Variants in LRPPRC observed in about 807,000 individuals in gnomAD.
LRPPRC encodes leucine rich pentatricopeptide repeat containing.
In LRPPRC, 120 loss-of-function variants were observed where a neutral mutation model predicts 180.3. The ratio of observed to expected loss-of-function variants is 0.67; its 90% CI spans 0.57 to 0.77. LRPPRC has a LOEUF of 0.77. Ranked by LOEUF, LRPPRC falls within the 30% of genes least tolerant of loss-of-function variation. The pLI, the probability that LRPPRC is intolerant of heterozygous loss-of-function variation, is 0.00. For missense variants in LRPPRC, 2,012 were observed against 1,657.2 expected (o/e 1.21, Z -3.72); for synonymous variants, 723 against 600.0 (o/e 1.21, Z -3.00).
At chr2:43,893,049 T>C (rs1670551212) in intron 36 of LRPPRC, among the ~76,000 whole-genome samples, 1 of 152,198 alleles carries the variant, frequency 6.6e-6, no homozygotes, top group South Asian at 2.1e-4. Flanking sequence ...AGGAAATCAC[T>C]GCAGATGTGG....
At chr2:43,947,119 C>G in intron 20 of LRPPRC, 138 bp downstream of exon 20, 1 of 566,470 alleles carries the variant, frequency 1.8e-6, no homozygotes, top group Non-Finnish European at 3.1e-6. Context: ...ATTAGTTAAC[C>G]TTTCATTTAA....
Position 43,979,961 on chromosome 2 carries a change from G to A in LRPPRC, c.347-13C>T. 6.2e-7 allele frequency: 1 copy of A among 1,612,448 alleles called. No individual in the cohort carries two copies. Among genetic ancestry groups the A allele is most frequent in the Non-Finnish European group, 8.5e-7 (1 of 1,178,738 alleles). Reference sequence around the variant, plus strand: ...CCACCTAGGCCACCTGTGGAAAAAAGGTTAATGGATAACATTTAACATAGC... The same window carrying A: ...CCACCTAGGCCACCTGTGGAAAAAAAGTTAATGGATAACATTTAACATAGC... On this transcript the variant is annotated splice_polypyrimidine_tract_variant and intron_variant, in intron 2 of 37. Coordinates refer to ENST00000260665, the MANE Select transcript of LRPPRC (RefSeq NM_133259.4).
In LRPPRC at chr2:43,979,134, G is replaced by A. The variant is rs764290825; in HGVS notation, c.469+692C>T. On this transcript the variant is annotated intron_variant, in intron 3 of 37. Coordinates refer to ENST00000260665, the MANE Select transcript of LRPPRC (RefSeq NM_133259.4). ...TTTTTTCAAATTATTTTTTGAATAC[G>A]TACTATGTTACATGACATAAAACTG... Among the ~76,000 whole-genome samples, 5 of 150,486 alleles carry A rather than the reference G, an allele frequency of 3.3e-5. No individual in the cohort carries two copies. In the East Asian group the frequency reaches 5.8e-4, roughly 17 times the overall value.
intron 1 of LRPPRC, among the ~76,000 whole-genome samples, chr2:43,988,214 C>A (rs1216080919): frequency 7.3e-6 from 1 of 137,070 alleles, no homozygotes; most frequent in East Asian, 2.1e-4. Flanking sequence ...GCACTCCAGC[C>A]TGGGAGACAG....
In LRPPRC at chr2:43,894,541, T is replaced by C. The variant is rs754878234; in HGVS notation, c.3985+4A>G. 3 of 1,346,878 alleles carry C rather than the reference T, an allele frequency of 2.2e-6. No individual in the cohort carries two copies. Among genetic ancestry groups the C allele is most frequent in the East Asian group, 4.6e-5 (2 of 43,462 alleles). 83.4% of individuals were successfully genotyped at this position (1,346,878 alleles called of 1,614,324 possible). A position where few individuals can be genotyped will look rare whatever the true frequency, so the allele number is the denominator to read the frequency against. On this transcript the variant is annotated splice_donor_region_variant and intron_variant, in intron 36 of 37. Coordinates refer to ENST00000260665, the MANE Select transcript of LRPPRC (RefSeq NM_133259.4). Reference sequence around the variant, plus strand: ...ATAATATAGTCAAATTAAACTTATATTACCATAGCTTTTCATGAGGGAATT... The same window carrying C: ...ATAATATAGTCAAATTAAACTTATACTACCATAGCTTTTCATGAGGGAATT...
At chr2:43,974,396 T>C in intron 8 of LRPPRC, 101 bp from the exon 9 acceptor site, 1 of 938,784 alleles carries the variant, frequency 1.1e-6, no homozygotes, top group Non-Finnish European at 1.7e-6. Context: ...ATTGCAAACA[T>C]CAAAAGCATA....
chr2:43,964,543 C>G (rs986802447), intron 11 of LRPPRC, among the ~76,000 whole-genome samples: 4 of 152,242 alleles, frequency 2.6e-5, no homozygotes, highest in African/African-American at 7.2e-5. Flanking sequence ...TACTAGAGAC[C>G]TAAAGATAAA....
rs748939389 is a variant in LRPPRC, at chr2:43,973,730, T to G, written c.1262-16A>C. ...TTTGCCAAATCTGAAAGAGATATCATAAAAGATCACAAAGCTACCTCAGCA... is the reference window on the plus strand; with the variant it reads ...TTTGCCAAATCTGAAAGAGATATCAGAAAAGATCACAAAGCTACCTCAGCA... On this transcript the variant is annotated splice_polypyrimidine_tract_variant and intron_variant, in intron 10 of 37. Transcript: ENST00000260665. 6 of 1,606,348 alleles carry G rather than the reference T, an allele frequency of 3.7e-6. No individual in the cohort carries two copies. In the African/African-American group the frequency reaches 8.0e-5, roughly 21 times the overall value.
At chr2:43,942,217 ATTATT>A (rs1229659946) in intron 23 of LRPPRC, among the ~76,000 whole-genome samples, 2 of 152,038 alleles carry the variant, frequency 1.3e-5, no homozygotes, top group African/African-American at 4.8e-5. Flanking sequence ...TTCATTGTTA[ATTATT>A]TTATTTTTGC....
Position 43,976,144 on chromosome 2 carries a change from C to T in LRPPRC, c.736G>A (p.Gly246Ser). 3 of 1,594,630 alleles carry T rather than the reference C, an allele frequency of 1.9e-6. No homozygotes were observed. The highest frequency in any genetic ancestry group is 2.6e-6 in the Non-Finnish European group (3 of 1,162,278). ...SALVTGHARA[G>S]DMENAENILT... ...CCAAAACCTTAGGTTGAACATTACC[C>T]AGCTCTGGCATGCCCTGTCACAAGG... is the stretch of plus-strand genomic sequence containing the variant. Residue 246 changes from glycine to serine, a missense_variant and splice_region_variant, in exon 6 of 38, where the codon GGT becomes AGT. By Grantham distance (56) the Gly-to-Ser change is moderately conservative. Transcript: ENST00000260665.
chr2:43,939,277 T>A (rs1672389281), intron 23 of LRPPRC, among the ~76,000 whole-genome samples: 1 of 150,120 alleles, frequency 6.7e-6, no homozygotes, highest in Admixed American at 6.6e-5. Context: ...AGACTCCGTC[T>A]CAAAAAAATA....
At chr2:43,971,435 A>T (rs1188938052) in intron 11 of LRPPRC, among the ~76,000 whole-genome samples, 2 of 140,498 alleles carry the variant, frequency 1.4e-5, no homozygotes, top group East Asian at 4.3e-4. Flanking sequence ...CAGAAACTTG[A>T]TTATTATACA....
At position 43,925,867 on chromosome 2, in the gene LRPPRC, T is replaced by C. The variant is rs373657473; in HGVS notation, c.2805+26A>G. The C allele has an allele frequency of 4.9e-5, 76 of 1,541,914 alleles. 1 individual carries two copies. The Middle Eastern group carries it at 5.0e-4, about 10-fold the overall frequency. Reference sequence around the variant, plus strand: ...GCCTTCTACTCACACTTTTAGGTGATTGAGACATCTGAATCAAATACAAAC... The same window carrying C: ...GCCTTCTACTCACACTTTTAGGTGACTGAGACATCTGAATCAAATACAAAC... On this transcript the variant is annotated intron_variant, in intron 26 of 37. Transcript: ENST00000260665.
intron 25 of LRPPRC, among the ~76,000 whole-genome samples, chr2:43,926,729 T>TA (rs1355463654): frequency 2.0e-5 from 3 of 152,150 alleles, no homozygotes; most frequent in African/African-American, 4.8e-5. Context: ...TTTATTCCAA[T>TA]AGACTCAGGA....
chr2:43,987,427 GGAGCTTGCAGTGAGCC>G (rs1253193501), intron 1 of LRPPRC, among the ~76,000 whole-genome samples: 1 of 149,318 alleles, frequency 6.7e-6, no homozygotes, highest in Non-Finnish European at 1.5e-5. Context: ...CCCAGGAGGC[GGAGCTTGCAGTGAGCC>G]GAGATAGCGT....
At chr2:43,890,002 T>G (rs1311078247) in intron 36 of LRPPRC, 126 bp from the exon 37 acceptor site, 1 of 685,718 alleles carries the variant, frequency 1.5e-6, no homozygotes, top group Non-Finnish European at 2.6e-6. Flanking sequence ...TTAACTACTT[T>G]CAGTAAGAAG....
intron 34 of LRPPRC, among the ~76,000 whole-genome samples, chr2:43,897,042 C>G (rs1195561939): frequency 6.6e-6 from 1 of 152,196 alleles, no homozygotes; most frequent in Non-Finnish European, 1.5e-5. Flanking sequence ...TCCAATTATA[C>G]TGCCAAGCAT....
rs184339274 is a variant in LRPPRC at position 43,995,890 on chromosome 2, G to A, written c.58C>T (p.Leu20Phe). The change falls in exon 1 of 38, where the codon CTC becomes TTC. Residue 20 changes from leucine to phenylalanine, a missense_variant. Transcript: ENST00000260665. ...GGGAGGAGGCGCAGGGAGAGCGGGA[G>A]GCGCGGGGCCGCCCCGGCACGCAGC... ...WLLRAGAAPR[L>F]PLSLRLLPGG... 1.1e-3 allele frequency: 1,626 copies of A among 1,508,570 alleles called. 15 individuals are homozygous for A. In the African/African-American group the frequency reaches 0.021, roughly 19 times the overall value. 93.4% of individuals were successfully genotyped at this position (1,508,570 alleles called of 1,614,324 possible). A position where few individuals can be genotyped will look rare whatever the true frequency, so the allele number is the denominator to read the frequency against.
Position 43,896,720 on chromosome 2 carries a change from A to G in LRPPRC, c.3826-12T>C. 6.5e-7 allele frequency: 1 copy of G among 1,535,026 alleles called. No individual in the cohort carries two copies. Among genetic ancestry groups the G allele is most frequent in the Non-Finnish European group, 9.0e-7 (1 of 1,108,330 alleles). Reference sequence around the variant, plus strand: ...ATTGCACCACATCTCTAAAAATTAAAACATTATTCAGTAAGTGAAGGTTTC... The same window carrying G: ...ATTGCACCACATCTCTAAAAATTAAGACATTATTCAGTAAGTGAAGGTTTC... On this transcript the variant is annotated splice_polypyrimidine_tract_variant and intron_variant, in intron 34 of 37. Transcript: ENST00000260665.
Sources: allele counts gnomAD v4.1 joint callset (sites outside exome capture counted in the v4.1 genomes callset), GRCh38; gene constraint gnomAD v4.1.1; transcripts MANE v1.5; gene names NCBI Gene and HGNC (gene_info 2026-07-23, HGNC 2026-07-21).